Variants in GATA4 observed in about 807,000 individuals in gnomAD.
GATA4 encodes the protein transcription factor GATA-4.
Under a neutral mutation model 37.9 loss-of-function variants are expected in GATA4, and 7 were observed. That is an observed-to-expected ratio of 0.18 (90% confidence interval 0.11 to 0.35). GATA4 has a LOEUF of 0.35. Among genes scored for constraint, GATA4 ranks in the 10% least tolerant of loss-of-function variants. The probability of loss-of-function intolerance (pLI) is 1.00; values close to 1 mark genes in which losing one functional copy is unlikely to be tolerated. For synonymous variants in GATA4, 372 were observed against 292.6 expected, an observed-to-expected ratio of 1.27 and a Z score of -2.77; for missense variants, 647 against 653.0, an observed-to-expected ratio of 0.99 and a Z score of 0.10.
At chr8:11,723,956 A>G (rs1563209902) in intron 2 of GATA4, among the ~76,000 whole-genome samples, 1 of 152,206 alleles carries the variant, frequency 6.6e-6, no homozygotes, top group African/African-American at 2.4e-5. Context: ...CTCTGTACCC[A>G]TTAAATAACG....
At chr8:11,679,476 A>C (rs1160295751) in intron 1 of GATA4, among the ~76,000 whole-genome samples, 2 of 152,116 alleles carry the variant, frequency 1.3e-5, no homozygotes, top group Non-Finnish European at 2.9e-5. Flanking sequence ...GCTTGGGCCG[A>C]GGGCCGGGAG....
chr8:11,711,969 A>G (rs557564069), intron 2 of GATA4, among the ~76,000 whole-genome samples: 1 of 152,200 alleles, frequency 6.6e-6, no homozygotes, highest in East Asian at 1.9e-4. Flanking sequence ...GGAGGAGCAC[A>G]GGGTTTTAAA....
chr8:11,743,555 G>A (rs985979059), intron 2 of GATA4, among the ~76,000 whole-genome samples: 5 of 152,262 alleles, frequency 3.3e-5, no homozygotes, highest in Admixed American at 3.3e-4. Flanking sequence ...CCAGGGGAGG[G>A]AGTGGAGAGC....
intron 2 of GATA4, among the ~76,000 whole-genome samples, chr8:11,722,655 G>A (rs897213987): frequency 6.6e-6 from 1 of 152,112 alleles, no homozygotes; most frequent in Non-Finnish European, 1.5e-5. Context: ...GGATTTTGTT[G>A]ACTGCCTTCT....
Position 11,758,841 on chromosome 8 carries a change from G to A in GATA4, c.*366G>A, listed in dbSNP as rs1053543079. On this transcript the variant is annotated 3_prime_UTR_variant, in exon 7 of 7. Transcript: ENST00000532059. ...AGGATCTGAGAACAAGCGGAGGGCC[G>A]GGCCCTGGGACCCCTGCTCCAGCCC... 3 of 343,664 alleles carry A rather than the reference G, an allele frequency of 8.7e-6. No homozygotes were observed. Among genetic ancestry groups the A allele is most frequent in the East Asian group, 7.4e-5 (1 of 13,496 alleles). 21.3% of individuals were successfully genotyped at this position (343,664 alleles called of 1,614,324 possible).
chr8:11,731,155 A>G (rs567691207), intron 2 of GATA4, among the ~76,000 whole-genome samples: 67 of 152,376 alleles, frequency 4.4e-4, no homozygotes, highest in African/African-American at 1.6e-3. Flanking sequence ...TGGAAGACTG[A>G]GTCTTATGAA....
rs1585598826 is a variant in GATA4, at chr8:11,709,551, C to G, written c.616+623C>G. Among the ~76,000 whole-genome samples, 1 of 129,468 alleles carries G rather than the reference C, an allele frequency of 7.7e-6. No individual in the cohort carries two copies. Among genetic ancestry groups the G allele is most frequent in the Non-Finnish European group, 1.6e-5 (1 of 61,452 alleles). The allele number at this position is 129,468 out of a possible 152,430, so 84.9% of individuals were successfully genotyped here. ...ACTGTGCGGGTGCCACCCGGCCGAG[C>G]GCGTGGGCGCATCATGCGGGCAGCG... On this transcript the variant is annotated intron_variant, in intron 2 of 6. Transcript: ENST00000532059. This position sits in a 1 kb window ranked among gnomAD's most constrained non-coding sequence, Gnocchi z 4.3.
Position 11,753,058 on chromosome 8 carries a change from T to C in GATA4, c.913-1988T>C, listed in dbSNP as rs117856807. Among the ~76,000 whole-genome samples the C allele has an allele frequency of 4.1e-3, 619 of 152,334 alleles. 3 individuals are homozygous for C. Among genetic ancestry groups the C allele is most frequent in the Non-Finnish European group, 6.2e-3 (419 of 68,038 alleles). ...TGATCCAGCGTACCATTTCTGGATA[T>C]ATACCCAAAATAATTAAAGGCAGGG... On this transcript the variant is annotated intron_variant, in intron 4 of 6. Coordinates refer to ENST00000532059, the MANE Select transcript of GATA4 (RefSeq NM_001308093.3).
Position 11,749,431 on chromosome 8 carries a change from C to T in GATA4, c.786+346C>T, listed in dbSNP as rs985282890. Among the ~76,000 whole-genome samples the T allele has an allele frequency of 1.3e-5, 2 of 152,154 alleles. No homozygotes were observed. On this transcript the variant is annotated intron_variant, in intron 3 of 6. Transcript: ENST00000532059. This position sits in a 1 kb window ranked among gnomAD's most constrained non-coding sequence, Gnocchi z 4.6. ...AGTGTTGACTGGAGTGTCTCCTCCA[C>T]CCACACCAACCCTGCAAGGAAGGTC...
rs564443300 is a variant in GATA4, at chr8:11,718,982, C to G, written c.616+10054C>G. Among the ~76,000 whole-genome samples, 15 of 152,346 alleles carry G rather than the reference C, an allele frequency of 9.8e-5. No individual in the cohort carries two copies. In the South Asian group the frequency reaches 2.3e-3, roughly 23 times the overall value. ...GGCAGACAATCAGATCTGATTCAAA[C>G]AACTCAATTTGGTTGCTTATCTAGA... On this transcript the variant is annotated intron_variant, in intron 2 of 6. Coordinates refer to ENST00000532059, the MANE Select transcript of GATA4 (RefSeq NM_001308093.3).
At chr8:11,720,351 C>T (rs1800617148) in intron 2 of GATA4, among the ~76,000 whole-genome samples, 1 of 152,040 alleles carries the variant, frequency 6.6e-6, no homozygotes, top group South Asian at 2.1e-4. Flanking sequence ...ACATCAAACT[C>T]GAATTCATGC....
At chr8:11,688,821 C>T (rs1799223879), upstream of GATA4, among the ~76,000 whole-genome samples, 1 of 152,156 alleles carries the variant, frequency 6.6e-6, no homozygotes, top group African/African-American at 2.4e-5. Flanking sequence ...AACCTAATCC[C>T]CAAATCCCCT....
At chr8:11,710,718 C>G (rs1486873309) in intron 2 of GATA4, among the ~76,000 whole-genome samples, 1 of 137,892 alleles carries the variant, frequency 7.3e-6, no homozygotes, top group African/African-American at 2.7e-5. Context: ...AAAAAAAGGA[C>G]TGGTCCAGGG....
intron 2 of GATA4, among the ~76,000 whole-genome samples, chr8:11,724,857 A>G (rs1012921331): frequency 7.9e-5 from 12 of 152,240 alleles, no homozygotes; most frequent in African/African-American, 2.4e-4. Flanking sequence ...GGAAAGTCAC[A>G]GGCCAAATAG....
chr8:11,752,828 T>C (rs1348471968), intron 4 of GATA4, among the ~76,000 whole-genome samples: 1 of 152,174 alleles, frequency 6.6e-6, no homozygotes, highest in Non-Finnish European at 1.5e-5. Flanking sequence ...TGAACATTCA[T>C]AAGAAAATAT....
chr8:11,688,288 G>C (rs1799203628), upstream of GATA4, among the ~76,000 whole-genome samples: 1 of 152,148 alleles, frequency 6.6e-6, no homozygotes. Context: ...AATAATACTT[G>C]GGAACATTTT....
At chr8:11,734,738 C>T (rs1169195755) in intron 2 of GATA4, among the ~76,000 whole-genome samples, 1 of 152,138 alleles carries the variant, frequency 6.6e-6, no homozygotes, top group African/African-American at 2.4e-5. Flanking sequence ...GATCCCCCTG[C>T]CTCGGCCTCC....
At chr8:11,687,135 TGAG>T (rs752101465) in intron 1 of GATA4, among the ~76,000 whole-genome samples, 1 of 152,020 alleles carries the variant, frequency 6.6e-6, no homozygotes, top group Non-Finnish European at 1.5e-5. Context: ...ATGTGAGAAG[TGAG>T]GAGGACACAG....
At chr8:11,699,814 G>A (rs147743345), upstream of GATA4, among the ~76,000 whole-genome samples, 5 of 152,298 alleles carry the variant, frequency 3.3e-5, no homozygotes, top group South Asian at 1.0e-3. Flanking sequence ...TCTTCCTGTG[G>A]GCTCTCAGAT....
Sources: allele counts gnomAD v4.1 joint callset (sites outside exome capture counted in the v4.1 genomes callset), GRCh38; gene constraint gnomAD v4.1.1; non-coding constraint Gnocchi (gnomAD v3.1); transcripts MANE v1.5; gene names NCBI Gene and HGNC (gene_info 2026-07-23, HGNC 2026-07-21).